Variants in SAMMSON observed in about 807,000 individuals in gnomAD.
SAMMSON encodes the protein long intergenic non-protein coding RNA 1212.
At chr3:70,342,771 T>G (rs1187854211) in intron 7 of SAMMSON, among the ~76,000 whole-genome samples, 1 of 152,228 alleles carries the variant, frequency 6.6e-6, no homozygotes, top group Non-Finnish European at 1.5e-5. Context: ...TGCCGGCATT[T>G]CCAATGTAAA....
At position 70,363,723 on chromosome 3, in the gene SAMMSON, C is replaced by T. The variant is rs780402190; in HGVS notation, n.913+5399C>T. Among the ~76,000 whole-genome samples the T allele has an allele frequency of 6.0e-4, 91 of 151,576 alleles. 1 individual carries two copies. Among genetic ancestry groups the T allele is most frequent in the Non-Finnish European group, 1.2e-3 (80 of 67,744 alleles). On this transcript the variant is annotated intron_variant and non_coding_transcript_variant, in intron 9 of 9. Transcript: ENST00000642114. ...GTCACTAGCACTGTTTGAGAATGTCCGTTTCCATGACCCTCATTAGCATGT... is the reference window on the plus strand; with the variant it reads ...GTCACTAGCACTGTTTGAGAATGTCTGTTTCCATGACCCTCATTAGCATGT...
At chr3:70,420,724 G>A (rs1156441361) in intron 2 of SAMMSON, among the ~76,000 whole-genome samples, 1 of 152,158 alleles carries the variant, frequency 6.6e-6, no homozygotes, top group Non-Finnish European at 1.5e-5. Flanking sequence ...GAGATTGTGG[G>A]AAGTTGGACA....
chr3:70,161,134 G>A (rs2067613761), intron 4 of SAMMSON, among the ~76,000 whole-genome samples: 2 of 151,864 alleles, frequency 1.3e-5, no homozygotes, highest in South Asian at 4.2e-4. Context: ...CTTTTTTCCA[G>A]CCTAGATGTC....
intron 6 of SAMMSON, among the ~76,000 whole-genome samples, chr3:70,265,107 A>G (rs975675016): frequency 2.0e-5 from 3 of 152,172 alleles, no homozygotes; most frequent in Admixed American, 6.5e-5. Context: ...ATTACCTCTC[A>G]CTGGGTCCCT....
intron 4 of SAMMSON, among the ~76,000 whole-genome samples, chr3:70,234,957 C>T (rs1203984004): frequency 6.6e-6 from 1 of 152,176 alleles, no homozygotes; most frequent in Admixed American, 6.5e-5. Context: ...GTCTGGAGTG[C>T]AGTCTGGGCA....
intron 4 of SAMMSON, among the ~76,000 whole-genome samples, chr3:70,179,346 T>C (rs528416445): frequency 7.0e-4 from 107 of 152,310 alleles, no homozygotes; most frequent in Non-Finnish European, 1.1e-3. Context: ...ACAGACATTT[T>C]TGGTGTTTGT....
intron 3 of SAMMSON, chr3:70,030,621 C>T (rs375225037): frequency 6.6e-6 from 1 of 152,062 alleles, no homozygotes. Context: ...TAAATGAACT[C>T]CATAGGTCTG....
At chr3:70,277,919 G>C (rs1343785467) in intron 6 of SAMMSON, among the ~76,000 whole-genome samples, 1 of 152,154 alleles carries the variant, frequency 6.6e-6, no homozygotes, top group East Asian at 1.9e-4. Flanking sequence ...CTACTGGCCA[G>C]ATTTCATTAG....
chr3:70,012,926 A>G (rs1310827696), intron 2 of SAMMSON, among the ~76,000 whole-genome samples: 6 of 152,152 alleles, frequency 3.9e-5, no homozygotes, highest in African/African-American at 1.4e-4. Flanking sequence ...CTTCCTTTTT[A>G]TCTACCCTAA....
At chr3:70,095,523 T>G (rs2067320034) in intron 4 of SAMMSON, among the ~76,000 whole-genome samples, 1 of 152,164 alleles carries the variant, frequency 6.6e-6, no homozygotes, top group African/African-American at 2.4e-5. Context: ...TTTGTAGGAC[T>G]CGTCGTGTTA....
intron 4 of SAMMSON, among the ~76,000 whole-genome samples, chr3:70,102,440 A>T (rs2067349799): frequency 6.6e-6 from 1 of 152,164 alleles, no homozygotes; most frequent in African/African-American, 2.4e-5. Flanking sequence ...CATCTGTAGT[A>T]ATTTTTCTAG....
chr3:70,075,899 A>G (rs62253241), intron 4 of SAMMSON, among the ~76,000 whole-genome samples: 10 of 137,342 alleles, frequency 7.3e-5, no homozygotes, highest in African/African-American at 1.6e-4. Flanking sequence ...TTTTTTTTTA[A>G]TATTCATTCT....
chr3:70,350,338 C>T (rs147132781), intron 7 of SAMMSON, among the ~76,000 whole-genome samples: 305 of 152,126 alleles, frequency 2.0e-3, no homozygotes, highest in African/African-American at 7.1e-3. Context: ...TAACAATTAT[C>T]TTCTATTTTG....
chr3:70,234,236 C>T (rs1434277003), intron 4 of SAMMSON, among the ~76,000 whole-genome samples: 1 of 152,138 alleles, frequency 6.6e-6, no homozygotes, highest in African/African-American at 2.4e-5. Flanking sequence ...TGGGTTGACA[C>T]CTAAAAAATA....
intron 3 of SAMMSON, among the ~76,000 whole-genome samples, chr3:70,048,703 ACTT>A (rs1223161304): frequency 6.6e-6 from 1 of 152,020 alleles, no homozygotes; most frequent in East Asian, 1.9e-4. Flanking sequence ...ACCTTTACTA[ACTT>A]CTTCTTATGT....
At chr3:70,410,787 T>G (rs1281623865) in intron 2 of SAMMSON, among the ~76,000 whole-genome samples, 1 of 152,194 alleles carries the variant, frequency 6.6e-6, no homozygotes, top group Non-Finnish European at 1.5e-5. Context: ...TGAAAAGTAT[T>G]TATCATGAAA....
At chr3:70,244,072 C>A (rs909313835) in intron 4 of SAMMSON, among the ~76,000 whole-genome samples, 9 of 152,204 alleles carry the variant, frequency 5.9e-5, no homozygotes, top group African/African-American at 1.9e-4. Context: ...ACCGTAACTA[C>A]TTTCCTAGCC....
chr3:70,278,349 C>T (rs1047394044), intron 6 of SAMMSON, among the ~76,000 whole-genome samples: 5 of 152,094 alleles, frequency 3.3e-5, no homozygotes, highest in African/African-American at 1.2e-4. Context: ...TTAGGCTGTT[C>T]CCAGTAGTTG....
rs548012343 is a variant in SAMMSON, at chr3:70,262,310, C to T, written n.674+12640C>T. ...TAACTCTGAGTTTCCAAGGAGCCAA[C>T]GCAAAATAGAAAATGATGCATTGCT... On this transcript the variant is annotated intron_variant and non_coding_transcript_variant, in intron 6 of 9. Transcript: ENST00000642114. Among the ~76,000 whole-genome samples the T allele has an allele frequency of 7.2e-5, 11 of 152,224 alleles. No individual in the cohort carries two copies. The East Asian group carries it at 7.7e-4, about 11-fold the overall frequency.
Sources: gnomAD v4.1 joint callset for allele counts (sites outside exome capture counted in the v4.1 genomes callset) on GRCh38, gnomAD v4.1.1 for gene constraint, MANE v1.5 for transcripts, NCBI Gene and HGNC (gene_info 2026-07-23, HGNC 2026-07-21) for gene names.